The following FCHSD2 variants were observed in gnomAD, a reference collection of about 807,000 sequenced individuals.
FCHSD2 encodes FCH and double SH3 domains 2, also known as F-BAR and double SH3 domains protein 2.
A neutral mutation model predicts 108.1 loss-of-function variants in FCHSD2; 38 were observed. That is an observed-to-expected ratio of 0.35 (90% CI 0.27 to 0.46). The LOEUF (loss-of-function observed/expected upper bound fraction) is 0.46. FCHSD2 is among the 20% of genes least tolerant of loss of function. FCHSD2 has a pLI of 1.00. For synonymous variants in FCHSD2, 279 were observed against 314.7 expected (o/e 0.89, Z 1.20); for missense variants, 751 against 897.8 (o/e 0.84, Z 2.09).
intron 2 of FCHSD2, among the ~76,000 whole-genome samples, chr11:73,105,219 G>C (rs1347602647): frequency 6.6e-6 from 1 of 152,158 alleles, no homozygotes; most frequent in African/African-American, 2.4e-5. Flanking sequence ...AAAGAACCTA[G>C]TATCAATTTC....
intron 3 of FCHSD2, among the ~76,000 whole-genome samples, chr11:73,082,448 T>C (rs985676599): frequency 4.7e-5 from 7 of 149,088 alleles, no homozygotes; most frequent in Non-Finnish European, 1.0e-4. Flanking sequence ...ACTCAACAAC[T>C]ACTGATTGAA....
intron 3 of FCHSD2, among the ~76,000 whole-genome samples, chr11:73,048,546 G>C (rs1269555727): frequency 6.6e-6 from 1 of 152,172 alleles, no homozygotes; most frequent in Non-Finnish European, 1.5e-5. Flanking sequence ...AGGTTGCAGG[G>C]TCAAGTTCAG....
At chr11:72,907,598 G>GT (rs200788964) in intron 9 of FCHSD2, among the ~76,000 whole-genome samples, 19,220 of 72,348 alleles carry the variant, frequency 0.27, 1,870 homozygotes, top group Middle Eastern at 0.33. Context: ...TAATCACGTG[G>GT]GTTTTTTTTT....
intron 14 of FCHSD2, among the ~76,000 whole-genome samples, chr11:72,847,374 C>G (rs1308898493): frequency 6.6e-6 from 1 of 152,186 alleles, no homozygotes; most frequent in East Asian, 1.9e-4. Flanking sequence ...TGCCTTCCAT[C>G]ATTCAAGTAT....
chr11:73,140,800 C>CT (rs1157864265), intron 1 of FCHSD2, among the ~76,000 whole-genome samples: 1 of 152,254 alleles, frequency 6.6e-6, no homozygotes, highest in Non-Finnish European at 1.5e-5. Context: ...CAAATGCCTG[C>CT]TGGCCAGAGA....
chr11:72,986,988 C>T (rs992089524), intron 6 of FCHSD2, among the ~76,000 whole-genome samples: 1 of 152,132 alleles, frequency 6.6e-6, no homozygotes, highest in Non-Finnish European at 1.5e-5. Flanking sequence ...ACCCTCAAAG[C>T]GAGATCTTGA....
At chr11:72,869,050 G>A (rs1854793003) in intron 12 of FCHSD2, among the ~76,000 whole-genome samples, 1 of 151,958 alleles carries the variant, frequency 6.6e-6, no homozygotes, top group African/African-American at 2.4e-5. Flanking sequence ...GGGATTACAG[G>A]TGTGTACCAC....
intron 9 of FCHSD2, among the ~76,000 whole-genome samples, chr11:72,912,578 A>C (rs995413946): frequency 6.6e-6 from 1 of 152,076 alleles, no homozygotes; most frequent in African/African-American, 2.4e-5. Flanking sequence ...ACTGGCTTGT[A>C]GTTTTTATTT....
chr11:72,866,477 C>T (rs1854727094), intron 13 of FCHSD2, among the ~76,000 whole-genome samples: 2 of 152,182 alleles, frequency 1.3e-5, no homozygotes, highest in South Asian at 4.2e-4. Context: ...ACCATGTTGG[C>T]CAGGCTGGTC....
At chr11:72,909,912 C>T (rs547696275) in intron 9 of FCHSD2, among the ~76,000 whole-genome samples, 11 of 150,414 alleles carry the variant, frequency 7.3e-5, no homozygotes, top group Non-Finnish European at 1.6e-4. Context: ...GCACCTCTGC[C>T]CGGCTGCCCA....
intron 12 of FCHSD2, among the ~76,000 whole-genome samples, chr11:72,883,756 C>A (rs889465129): frequency 1.3e-5 from 2 of 151,902 alleles, no homozygotes; most frequent in Non-Finnish European, 2.9e-5. Context: ...CATGGTGAAA[C>A]CCCATCTCTA....
intron 8 of FCHSD2, among the ~76,000 whole-genome samples, chr11:72,981,775 AGAATAGCCTGGGCAACAAAGT>A (rs2135396502): frequency 6.6e-6 from 1 of 152,352 alleles, no homozygotes; most frequent in East Asian, 1.9e-4. Flanking sequence ...CAGGAGTTAA[AGAATAGCCTGGGCAACAAAGT>A]GAGACCACGC....
chr11:73,029,166 A>G (rs890951877), intron 3 of FCHSD2, among the ~76,000 whole-genome samples: 7 of 152,334 alleles, frequency 4.6e-5, no homozygotes, highest in Admixed American at 4.6e-4. Context: ...ATAAAAATCA[A>G]TTTGCATTTT....
At chr11:73,086,806 A>T (rs989516361) in intron 2 of FCHSD2, among the ~76,000 whole-genome samples, 1 of 152,236 alleles carries the variant, frequency 6.6e-6, no homozygotes. Flanking sequence ...ACAGGAAATT[A>T]ATCCAAGTGT....
chr11:72,864,854 G>C (rs532986924), intron 13 of FCHSD2, among the ~76,000 whole-genome samples: 4 of 152,164 alleles, frequency 2.6e-5, no homozygotes, highest in Non-Finnish European at 5.9e-5. Context: ...TGGGGTTGCT[G>C]GCAGCAATCT....
chr11:73,026,967 A>T (rs1043251011), intron 3 of FCHSD2, among the ~76,000 whole-genome samples: 8 of 152,070 alleles, frequency 5.3e-5, no homozygotes, highest in Admixed American at 5.2e-4. Context: ...AGTCAATTAA[A>T]CCTCTTCCTT....
intron 14 of FCHSD2, among the ~76,000 whole-genome samples, chr11:72,845,183 G>C (rs1342036585): frequency 6.6e-6 from 1 of 152,164 alleles, no homozygotes; most frequent in Non-Finnish European, 1.5e-5. Flanking sequence ...CACTTTGGGA[G>C]GCCAAGGTGG....
chr11:72,887,463 A>G lies in FCHSD2; in HGVS notation c.1146+7T>C. On this transcript the variant is annotated splice_region_variant and intron_variant, in intron 12 of 19. Transcript: ENST00000409418. Reference sequence around the variant, plus strand: ...GGGCAAAATGCCACAATTAGCTGCCACCTTACCTCTGCTTTACGAATATTT... The same window carrying G: ...GGGCAAAATGCCACAATTAGCTGCCGCCTTACCTCTGCTTTACGAATATTT... The G allele has an allele frequency of 6.3e-7, 1 of 1,590,926 alleles. No individual in the cohort carries two copies. The highest frequency in any genetic ancestry group is 2.3e-5 in the East Asian group (1 of 44,130).
At position 72,902,620 on chromosome 11, in the gene FCHSD2, G is replaced by A; in HGVS notation, c.847C>T (p.Leu283Phe). Reference protein sequence around the residue: ...NSSKVVRDYNLQLFLQENAVF... With the variant: ...NSSKVVRDYNFQLFLQENAVF... ...GCGTTTTCTTGCAAAAACAGCTGAAGATTGTAGTCCCGGACCACCTAAAGA... is the reference window on the plus strand; with the variant it reads ...GCGTTTTCTTGCAAAAACAGCTGAAAATTGTAGTCCCGGACCACCTAAAGA... Residue 283 changes from leucine (L) to phenylalanine (F), a missense_variant, in exon 10 of 20, where the codon CTT (leucine) becomes TTT (phenylalanine). Leu to Phe is a conservative substitution (Grantham distance 22). Transcript: ENST00000409418. 1 of 1,574,636 alleles carries A rather than the reference G, an allele frequency of 6.4e-7. No individual in the cohort carries two copies. The highest frequency in any genetic ancestry group is 8.6e-7 in the Non-Finnish European group (1 of 1,158,750).
Sources: allele counts gnomAD v4.1 joint callset (sites outside exome capture counted in the v4.1 genomes callset), GRCh38; gene constraint gnomAD v4.1.1; transcripts MANE v1.5; gene names NCBI Gene and HGNC (gene_info 2026-07-23, HGNC 2026-07-21).